FAM24B: variants seen among roughly 807,000 people sequenced by gnomAD.
The protein encoded by FAM24B is family with sequence similarity 24 member B.
A neutral mutation model predicts 2.3 loss-of-function variants in FAM24B; 3 were observed. The observed-to-expected ratio is 1.29, with a 90% CI of 0.59 to 3.32. FAM24B has a LOEUF of 3.32. Among genes scored for constraint, FAM24B ranks in the 30% most tolerant of loss-of-function variants. The pLI is 0.03. For missense variants in FAM24B, 98 were observed against 117.2 expected (o/e 0.84, Z 0.76); for synonymous variants, 36 against 46.3 (o/e 0.78, Z 0.90).
Position 122,867,552 on chromosome 10 carries a change from G to T in FAM24B, c.-177-11766C>A, listed in dbSNP as rs139636178. ...TGGGAGGCACCCCCTAGTAGGAGCGGACTGACACCTCACATGGCCGGGTAC... is the reference window on the plus strand; with the variant it reads ...TGGGAGGCACCCCCTAGTAGGAGCGTACTGACACCTCACATGGCCGGGTAC... On this transcript the variant is annotated intron_variant, in intron 1 of 3. Coordinates refer to ENST00000368898, the MANE Select transcript of FAM24B (RefSeq NM_152644.3). Among the ~76,000 whole-genome samples, 198 of 152,330 alleles carry T rather than the reference G, an allele frequency of 1.3e-3. 1 individual carries two copies. The highest frequency in any genetic ancestry group is 3.9e-3 in the Admixed American group (59 of 15,296).
chr10:122,876,123 C>T (rs375608923), intron 1 of FAM24B, among the ~76,000 whole-genome samples: 2 of 152,210 alleles, frequency 1.3e-5, no homozygotes, highest in South Asian at 4.1e-4. Context: ...TCCAAGTGTA[C>T]TTTTACTTCC....
At chr10:122,853,354 C>T (rs1033250544) in intron 2 of FAM24B, among the ~76,000 whole-genome samples, 5 of 152,140 alleles carry the variant, frequency 3.3e-5, no homozygotes, top group South Asian at 4.1e-4. Flanking sequence ...CTCAACATAA[C>T]ATCTTTCCAG....
chr10:122,878,431 G>C (rs1848015201), intron 1 of FAM24B, among the ~76,000 whole-genome samples: 1 of 152,062 alleles, frequency 6.6e-6, no homozygotes, highest in Admixed American at 6.6e-5. Context: ...TACTCAGAAG[G>C]CTGAGGCAGG....
chr10:122,860,097 G>A (rs1847704490), intron 1 of FAM24B, among the ~76,000 whole-genome samples: 1 of 151,962 alleles, frequency 6.6e-6, no homozygotes, highest in African/African-American at 2.4e-5. Flanking sequence ...AGTAGTATGG[G>A]TTTTGACAAA....
At position 122,874,484 on chromosome 10, in the gene FAM24B, T is replaced by C. The variant is rs564635030; in HGVS notation, c.-178+5001A>G. On this transcript the variant is annotated intron_variant, in intron 1 of 3. Coordinates refer to ENST00000368898, the MANE Select transcript of FAM24B (RefSeq NM_152644.3). ...TCCTTAGCTTTTGTTTAAGAAAATC[T>C]TTAAGTCTCCTTCACTTCTGAAAGG... is the stretch of plus-strand genomic sequence containing the variant. Among the ~76,000 whole-genome samples, 182 of 152,338 alleles carry C rather than the reference T, an allele frequency of 1.2e-3. 1 individual carries two copies. Among genetic ancestry groups the C allele is most frequent in the Non-Finnish European group, 2.4e-3 (160 of 68,036 alleles).
intron 2 of FAM24B, among the ~76,000 whole-genome samples, chr10:122,853,052 T>A (rs1566248269): frequency 6.6e-6 from 1 of 152,206 alleles, no homozygotes; most frequent in Non-Finnish European, 1.5e-5. Flanking sequence ...CTCACTACCA[T>A]GCTATTACTT....
At chr10:122,875,880 C>T (rs1158177818) in intron 1 of FAM24B, among the ~76,000 whole-genome samples, 1 of 152,260 alleles carries the variant, frequency 6.6e-6, no homozygotes, top group Non-Finnish European at 1.5e-5. Context: ...CTTCTAAGAA[C>T]ATTTGATGGG....
intron 2 of FAM24B, among the ~76,000 whole-genome samples, chr10:122,851,070 C>T (rs989186259): frequency 1.3e-5 from 2 of 152,182 alleles, no homozygotes; most frequent in African/African-American, 4.8e-5. Flanking sequence ...AGGAAAAGAA[C>T]TTTACAATTC....
chr10:122,850,737 T>A, intron 2 of FAM24B, 187 bp from the exon 3 acceptor site: 5 of 481,650 alleles, frequency 1.0e-5, no homozygotes, highest in Non-Finnish European at 1.1e-5. Context: ...AAAAAAGAAA[T>A]AAAAAAAGTC....
chr10:122,867,609 C>T (rs1847822292), intron 1 of FAM24B, among the ~76,000 whole-genome samples: 1 of 152,214 alleles, frequency 6.6e-6, no homozygotes. Flanking sequence ...GAGAAACGAA[C>T]AGGCAGCAGC....
rs771508649 is a variant in FAM24B at position 122,849,369 on chromosome 10, T to G, written c.163A>C (p.Ser55Arg). ...NPDKVWWAKN[S>R]QAKTIATESC... The stretch of plus-strand genomic sequence containing the variant: ...TCCGTGGCAATGGTTTTGGCCTGGC[T>G]GTTCTTGGCCCACCACACCTTGTCT... The change falls in exon 4 of 4, where the codon AGC (serine) becomes CGC (arginine). Residue 55 changes from serine to arginine, a missense_variant. Ser to Arg is a moderately radical substitution (Grantham distance 110, BLOSUM62 -1). Transcript: ENST00000368898. The G allele has an allele frequency of 6.2e-7, 1 of 1,613,628 alleles. No individual in the cohort carries two copies. The highest frequency in any genetic ancestry group is 8.5e-7 in the Non-Finnish European group (1 of 1,179,770).
intron 1 of FAM24B, among the ~76,000 whole-genome samples, chr10:122,873,032 A>T (rs1206836841): frequency 1.3e-5 from 2 of 152,250 alleles, no homozygotes; most frequent in Non-Finnish European, 2.9e-5. Flanking sequence ...ATAACATAAA[A>T]GTGCAAGGTG....
chr10:122,849,490 C>G, intron 3 of FAM24B, 51 bp from the exon 4 acceptor site: 4 of 1,522,036 alleles, frequency 2.6e-6, no homozygotes, highest in Non-Finnish European at 3.6e-6. Flanking sequence ...TCTTCTCAGC[C>G]CTTTTGTTAG....
chr10:122,871,646 A>G lies in FAM24B; in HGVS notation c.-178+7839T>C, dbSNP rs1231306008. 3.9e-5 allele frequency among the ~76,000 whole-genome samples: 6 copies of G among 152,298 alleles called. No homozygotes were observed. In the East Asian group the frequency reaches 5.8e-4, roughly 15 times the overall value. On this transcript the variant is annotated intron_variant, in intron 1 of 3. Coordinates refer to ENST00000368898, the MANE Select transcript of FAM24B (RefSeq NM_152644.3). ...GAAATAATGCCGCGTATCTACAACT[A>G]TCTGATCTTTGACAAACCTGACAAA... is the stretch of plus-strand genomic sequence containing the variant.
intron 1 of FAM24B, among the ~76,000 whole-genome samples, chr10:122,870,780 G>A (rs1416820594): frequency 2.2e-4 from 33 of 152,200 alleles, no homozygotes; most frequent in East Asian, 3.9e-4. Context: ...TTGACGGGAC[G>A]TATCTCAAAA....
At position 122,871,041 on chromosome 10, in the gene FAM24B, C is replaced by T. The variant is rs554028984; in HGVS notation, c.-178+8444G>A. 3.1e-3 allele frequency among the ~76,000 whole-genome samples: 477 copies of T among 152,284 alleles called. 2 individuals are homozygous for T. The highest frequency in any genetic ancestry group is 4.2e-3 in the Non-Finnish European group (287 of 68,030). On this transcript the variant is annotated intron_variant, in intron 1 of 3. Transcript: ENST00000368898. ...TGATTGTAAATCTAGAAAACCCCAT[C>T]GTCTCAGCTCAAAATCTCCTTAAGC... is the stretch of plus-strand genomic sequence containing the variant.
chr10:122,877,805 C>T (rs1161854024), intron 1 of FAM24B, among the ~76,000 whole-genome samples: 1 of 152,174 alleles, frequency 6.6e-6, no homozygotes, highest in Non-Finnish European at 1.5e-5. Flanking sequence ...GTTTTTTCAG[C>T]TTTGAAAATA....
chr10:122,874,811 T>G (rs1023462563), intron 1 of FAM24B, among the ~76,000 whole-genome samples: 1 of 152,114 alleles, frequency 6.6e-6, no homozygotes, highest in South Asian at 2.1e-4. Context: ...TAAAACAGCA[T>G]GAGGTTTTTT....
intron 1 of FAM24B, among the ~76,000 whole-genome samples, chr10:122,868,474 A>G (rs563802987): frequency 4.6e-4 from 70 of 152,294 alleles, no homozygotes; most frequent in African/African-American, 1.5e-3. Context: ...TCCAAGACAC[A>G]TAATTGTCAG....
Sources: gnomAD v4.1 joint callset for allele counts (sites outside exome capture counted in the v4.1 genomes callset) on GRCh38, gnomAD v4.1.1 for gene constraint, MANE v1.5 for transcripts, NCBI Gene and HGNC (gene_info 2026-07-23, HGNC 2026-07-21) for gene names.